DCAF10: variants seen among roughly 807,000 people sequenced by gnomAD.
DCAF10 encodes the protein DDB1 and CUL4 associated factor 10, also known as DDB1- and CUL4-associated factor 10.
A neutral mutation model predicts 51.9 loss-of-function variants in DCAF10; 19 were observed. The observed-to-expected ratio is 0.37, with a 90% CI of 0.26 to 0.54. The LOEUF (loss-of-function observed/expected upper bound fraction) is 0.54. DCAF10 is among the 20% of genes least tolerant of loss of function. DCAF10 has a pLI of 0.87. For synonymous variants in DCAF10, 291 were observed against 297.1 expected (o/e 0.98, Z 0.21); for missense variants, 510 against 730.6 (o/e 0.70, Z 3.48).
Position 37,801,552 on chromosome 9 carries a change from T to A in DCAF10, c.539+147T>A. The A allele has an allele frequency of 9.8e-7, 1 of 1,015,354 alleles. No homozygotes were observed. Among genetic ancestry groups the A allele is most frequent in the Non-Finnish European group, 1.3e-6 (1 of 764,740 alleles). The allele number at this position is 1,015,354 out of a possible 1,614,324, so 62.9% of individuals were successfully genotyped here. On this transcript the variant is annotated intron_variant, in intron 1 of 6. Transcript: ENST00000377724. The surrounding 1 kb of genome is among the most constrained non-coding windows in gnomAD (Gnocchi z 5.5). ...GGCCTTCGTGCCTCCTGGCACTTTC[T>A]GAAGCGCATTCTCGCCCTTGGAATC...
At chr9:37,806,100 A>T (rs1395429615) in intron 1 of DCAF10, among the ~76,000 whole-genome samples, 2 of 152,186 alleles carry the variant, frequency 1.3e-5, no homozygotes, top group Non-Finnish European at 1.5e-5. Context: ...AAATAAAATT[A>T]AAAAATAAAT....
upstream of DCAF10, chr9:37,800,623 C>T (rs1180324202): frequency 1.3e-6 from 2 of 1,536,144 alleles, no homozygotes; most frequent in Non-Finnish European, 8.7e-7. Flanking sequence ...AGATCAGGTG[C>T]CCAGATGCTC....
At chr9:37,828,027 G>T (rs574854107) in intron 2 of DCAF10, among the ~76,000 whole-genome samples, 1 of 152,038 alleles carries the variant, frequency 6.6e-6, no homozygotes, top group African/African-American at 2.4e-5. Context: ...GGGACTATAG[G>T]TGTGTGGCAC....
chr9:37,855,505 C>T (rs1830820532), intron 4 of DCAF10, among the ~76,000 whole-genome samples: 1 of 152,082 alleles, frequency 6.6e-6, no homozygotes, highest in Admixed American at 6.5e-5. Context: ...TTTTGTTAGA[C>T]TTAAGAGAAT....
intron 1 of DCAF10, among the ~76,000 whole-genome samples, chr9:37,804,846 C>A (rs79920747): frequency 0.012 from 1,868 of 151,910 alleles, 34 homozygotes; most frequent in African/African-American, 0.043. Flanking sequence ...TAGTCTTCAA[C>A]CATAATATAA....
intron 3 of DCAF10, among the ~76,000 whole-genome samples, chr9:37,851,183 G>A (rs1400748354): frequency 6.6e-6 from 1 of 151,742 alleles, no homozygotes; most frequent in African/African-American, 2.4e-5. Context: ...GGAGGAGGCT[G>A]CAGTGAACCG....
chr9:37,830,556 G>A (rs564393697), intron 2 of DCAF10, among the ~76,000 whole-genome samples: 2 of 152,210 alleles, frequency 1.3e-5, no homozygotes, highest in Non-Finnish European at 2.9e-5. Flanking sequence ...GGAAGGGACT[G>A]GGGAGGGATA....
chr9:37,814,084 ATATATATATATATATATATAT>A (rs1279525436), intron 1 of DCAF10, among the ~76,000 whole-genome samples: 1 of 44,426 alleles, frequency 2.3e-5, no homozygotes, highest in Non-Finnish European at 4.3e-5. Context: ...TTGTCACTAT[ATATATATATATATATATATAT>A]ATATATATAT....
At position 37,863,708 on chromosome 9, in the gene DCAF10, G is replaced by A. The variant is rs1186384385; in HGVS notation, c.*2200G>A. The A allele has an allele frequency of 6.6e-6, 1 of 152,306 alleles. No individual in the cohort carries two copies. Among genetic ancestry groups the A allele is most frequent in the Admixed American group, 6.5e-5 (1 of 15,294 alleles). The allele number at this position is 152,306 out of a possible 1,614,324, so 9.4% of individuals were successfully genotyped here. A position where few individuals can be genotyped will look rare whatever the true frequency, so the allele number is the denominator to read the frequency against. On this transcript the variant is annotated 3_prime_UTR_variant, in exon 7 of 7. Transcript: ENST00000377724. ...AAAGGCAGGCATGGGAGTAGATGCT[G>A]AGAATTCTAGCCATAAGAAGAAAAG...
At chr9:37,841,765 C>T (rs1191395466) in intron 2 of DCAF10, among the ~76,000 whole-genome samples, 1 of 152,058 alleles carries the variant, frequency 6.6e-6, no homozygotes, top group Non-Finnish European at 1.5e-5. Context: ...ATTTTTGTTT[C>T]CTATAGAGAT....
Position 37,801,035 on chromosome 9 carries a change from C to T in DCAF10, c.169C>T (p.Pro57Ser), listed in dbSNP as rs1589067701. The stretch of plus-strand genomic sequence containing the variant: ...TCCACCCGCCCGAAGCCCTCGCCGC[C>T]CCGGCGCCCCATCGCTGTCCCCGGC... ...PPPPARSPRR[P>S]GAPSLSPAPR... Residue 57 changes from proline (P) to serine (S), a missense_variant, in exon 1 of 7, where the codon CCC (proline) becomes TCC (serine). Physicochemically the swap from Pro to Ser is moderately conservative, Grantham distance 74 (BLOSUM62 -1). Around this residue, in one of 4 missense-constraint regions of DCAF10, gnomAD observed 251 missense variants for 227.9 expected, o/e 1.10. Transcript: ENST00000377724. This position sits in a 1 kb window ranked among gnomAD's most constrained non-coding sequence, Gnocchi z 5.5. 2.6e-6 allele frequency: 4 copies of T among 1,539,470 alleles called. No homozygotes were observed. The highest frequency in any genetic ancestry group is 3.5e-6 in the Non-Finnish European group (4 of 1,152,630).
chr9:37,802,665 A>G (rs553554348), intron 1 of DCAF10, among the ~76,000 whole-genome samples: 33 of 152,338 alleles, frequency 2.2e-4, no homozygotes, highest in African/African-American at 6.5e-4. Context: ...TTCCATTTCA[A>G]TGATGGAAGC....
intron 1 of DCAF10, among the ~76,000 whole-genome samples, chr9:37,818,980 G>C (rs546642863): frequency 1.3e-5 from 2 of 152,140 alleles, no homozygotes; most frequent in African/African-American, 2.4e-5. Context: ...TAAGTAATTA[G>C]TTCTCTAGAT....
chr9:37,804,334 C>T (rs183511639), intron 1 of DCAF10, among the ~76,000 whole-genome samples: 1 of 151,996 alleles, frequency 6.6e-6, no homozygotes, highest in East Asian at 1.9e-4. Flanking sequence ...GTAAGGGGGA[C>T]TATTTGAAGA....
rs143298911 is a variant in DCAF10, at chr9:37,831,558, C to T, written c.654-10531C>T. On this transcript the variant is annotated intron_variant, in intron 2 of 6. Transcript: ENST00000377724. Reference sequence around the variant, plus strand: ...ATGCATTTTCTGGTTTGAATCTAGACGGTCATTTTGTACATACTTGGTAAT... The same window carrying T: ...ATGCATTTTCTGGTTTGAATCTAGATGGTCATTTTGTACATACTTGGTAAT... 2.1e-3 allele frequency among the ~76,000 whole-genome samples: 322 copies of T among 152,218 alleles called. 2 individuals carry two copies. Among genetic ancestry groups the T allele is most frequent in the African/African-American group, 7.4e-3 (306 of 41,530 alleles).
At position 37,861,191 on chromosome 9, in the gene DCAF10, C is replaced by T. The variant is rs759784118; in HGVS notation, c.1363C>T (p.Pro455Ser). The change falls in exon 7 of 7, where the codon CCT becomes TCT. Residue 455 changes from proline to serine, a missense_variant. Physicochemically the swap from Pro to Ser is moderately conservative, Grantham distance 74. Around this residue, in one of 4 missense-constraint regions of DCAF10, gnomAD observed 104 missense variants for 206.2 expected, o/e 0.50. Coordinates refer to ENST00000377724, the MANE Select transcript of DCAF10 (RefSeq NM_024345.5). This position sits in a 1 kb window ranked among gnomAD's most constrained non-coding sequence, Gnocchi z 4.9. ...AGGAGCTCCAGTGCGACCTGTCTCACCTCGCTGTTCTCTACGACTGACTCA... is the reference window on the plus strand; with the variant it reads ...AGGAGCTCCAGTGCGACCTGTCTCATCTCGCTGTTCTCTACGACTGACTCA... ...QEGAPVRPVS[P>S]RCSLRLTHYI... 6.2e-7 allele frequency: 1 copy of T among 1,609,410 alleles called. No homozygotes were observed. The highest frequency in any genetic ancestry group is 1.3e-5 in the African/African-American group (1 of 74,844).
At chr9:37,860,423 G>A in intron 6 of DCAF10, 1 of 432,332 alleles carries the variant, frequency 2.3e-6, no homozygotes, top group Non-Finnish European at 3.9e-6. Flanking sequence ...AAGGTGGGAG[G>A]TACTTTAAAG....
chr9:37,852,375 T>A (rs1830680853), intron 3 of DCAF10, among the ~76,000 whole-genome samples: 1 of 152,138 alleles, frequency 6.6e-6, no homozygotes, highest in South Asian at 2.1e-4. Flanking sequence ...AGTGGGAGGA[T>A]CACTTGAGAC....
intron 5 of DCAF10, among the ~76,000 whole-genome samples, chr9:37,857,813 C>T (rs1830896147): frequency 6.6e-6 from 1 of 152,176 alleles, no homozygotes; most frequent in Non-Finnish European, 1.5e-5. Flanking sequence ...AAGTGAGCTA[C>T]CATCTGGCTC....
Sources: gnomAD v4.1 joint callset for allele counts (sites outside exome capture counted in the v4.1 genomes callset) on GRCh38, gnomAD v4.1.1 for gene constraint, gnomAD v4.1.1 regional missense constraint, Gnocchi (gnomAD v3.1) non-coding constraint, MANE v1.5 for transcripts, NCBI Gene and HGNC (gene_info 2026-07-23, HGNC 2026-07-21) for gene names.